Variants in NPAS3 observed in about 807,000 individuals in gnomAD.
The protein encoded by NPAS3 is neuronal PAS domain protein 3, also known as neuronal PAS domain-containing protein 3.
A neutral mutation model predicts 73.1 loss-of-function variants in NPAS3; 14 were observed. That is an observed-to-expected ratio of 0.19 (90% CI 0.13 to 0.30). The LOEUF is 0.30. NPAS3 is among the 10% of genes least tolerant of loss of function. NPAS3 has a pLI of 1.00. For missense variants in NPAS3, 1,096 were observed against 1,250.0 expected, an observed-to-expected ratio of 0.88 and a Z score of 1.86; for synonymous variants, 620 against 541.5, an observed-to-expected ratio of 1.14 and a Z score of -2.01.
At chr14:33,263,959 G>T (rs961685012) in intron 3 of NPAS3, among the ~76,000 whole-genome samples, 4 of 152,090 alleles carry the variant, frequency 2.6e-5, no homozygotes, top group African/African-American at 9.7e-5. Context: ...GCTGCTATAA[G>T]GACACATGCA....
At chr14:33,024,999 G>A (rs1395057817) in intron 1 of NPAS3, among the ~76,000 whole-genome samples, 2 of 152,142 alleles carry the variant, frequency 1.3e-5, no homozygotes, top group African/African-American at 2.4e-5. Flanking sequence ...TAACATATTT[G>A]TGCATATCTA....
chr14:33,749,958 G>A (rs1450537796), intron 7 of NPAS3, among the ~76,000 whole-genome samples: 1 of 152,056 alleles, frequency 6.6e-6, no homozygotes, highest in East Asian at 1.9e-4. Flanking sequence ...AAACACTTTG[G>A]CCCCCAAAGA....
At chr14:33,268,337 G>A (rs150979287) in intron 3 of NPAS3, among the ~76,000 whole-genome samples, 264 of 152,070 alleles carry the variant, frequency 1.7e-3, no homozygotes, top group Middle Eastern at 0.01. Flanking sequence ...ATAAATTTAC[G>A]AGATGCTATC....
chr14:33,168,566 A>G (rs969629846), intron 2 of NPAS3, among the ~76,000 whole-genome samples: 3 of 152,188 alleles, frequency 2.0e-5, no homozygotes, highest in Non-Finnish European at 4.4e-5. Flanking sequence ...CTTGTGTGAT[A>G]GCTCTCAAAG....
At chr14:33,624,106 T>C (rs1343090987) in intron 5 of NPAS3, among the ~76,000 whole-genome samples, 2 of 152,228 alleles carry the variant, frequency 1.3e-5, no homozygotes, top group Non-Finnish European at 2.9e-5. Context: ...TTTCTGACTT[T>C]ATTTTTTTCC....
chr14:33,095,309 T>C (rs1326134611), intron 2 of NPAS3, among the ~76,000 whole-genome samples: 1 of 152,204 alleles, frequency 6.6e-6, no homozygotes, highest in Non-Finnish European at 1.5e-5. Context: ...GCAGGCAGCA[T>C]GTACTTGTTA....
chr14:33,387,436 A>G lies in NPAS3; in HGVS notation c.468+20168A>G, dbSNP rs549674892. Among the ~76,000 whole-genome samples the G allele has an allele frequency of 5.7e-4, 86 of 152,204 alleles. 1 individual carries two copies. The highest frequency in any genetic ancestry group is 9.4e-4 in the Non-Finnish European group (64 of 68,034). On this transcript the variant is annotated intron_variant, in intron 4 of 11. Coordinates refer to ENST00000356141, the Ensembl canonical transcript of NPAS3. ...ATGCTGCTGTTCAGCCACAGTATTC[A>G]GTTACCCATTTTTTTGGCCTAAATA...
At chr14:33,234,856 C>A (rs978861826) in intron 3 of NPAS3, among the ~76,000 whole-genome samples, 1 of 152,078 alleles carries the variant, frequency 6.6e-6, no homozygotes, top group Admixed American at 6.6e-5. Flanking sequence ...CGTGTTGCAA[C>A]TCATCATCTG....
rs1222459920 is a variant in NPAS3 at position 33,572,950 on chromosome 14, G to A, written c.558+12740G>A. Among the ~76,000 whole-genome samples the A allele has an allele frequency of 2.7e-5, 4 of 148,228 alleles. No homozygotes were observed. In the East Asian group the frequency reaches 8.0e-4, roughly 30 times the overall value. ...AGGCAGGAGAATCGCTTAACCCCGG[G>A]AAGCGGAGGTTGCAGTGAGCCGAGA... On this transcript the variant is annotated intron_variant, in intron 5 of 11. Coordinates refer to ENST00000356141, the Ensembl canonical transcript of NPAS3.
At chr14:33,351,331 G>A (rs2045040838) in intron 3 of NPAS3, among the ~76,000 whole-genome samples, 2 of 152,132 alleles carry the variant, frequency 1.3e-5, no homozygotes, top group African/African-American at 4.8e-5. Context: ...TGAGGACTGG[G>A]GAACAGAGGG....
chr14:33,235,959 T>G (rs2048020479), intron 3 of NPAS3, among the ~76,000 whole-genome samples: 1 of 151,860 alleles, frequency 6.6e-6, no homozygotes, highest in African/African-American at 2.4e-5. Context: ...TGACTAATTA[T>G]TTTTTAATTT....
At position 32,992,518 on chromosome 14, in the gene NPAS3, T is replaced by C. The variant is rs148863742; in HGVS notation, c.50+53152T>C. 2.3e-3 allele frequency among the ~76,000 whole-genome samples: 346 copies of C among 152,208 alleles called. 2 individuals carry two copies. Among genetic ancestry groups the C allele is most frequent in the Non-Finnish European group, 4.1e-3 (281 of 67,992 alleles). Reference sequence around the variant, plus strand: ...GCTGATTCTCTGCTTGTCCCTGGCCTAGAAACCACACTTGTCCTAGAGCCT... The same window carrying C: ...GCTGATTCTCTGCTTGTCCCTGGCCCAGAAACCACACTTGTCCTAGAGCCT... On this transcript the variant is annotated intron_variant, in intron 1 of 11. Coordinates refer to ENST00000356141, the Ensembl canonical transcript of NPAS3.
At chr14:33,492,304 A>T (rs546460190) in intron 4 of NPAS3, among the ~76,000 whole-genome samples, 1 of 152,278 alleles carries the variant, frequency 6.6e-6, no homozygotes, top group East Asian at 1.9e-4. Context: ...TCTGTAAAAA[A>T]AAGAATATTT....
At chr14:33,014,038 A>G (rs533698891) in intron 1 of NPAS3, among the ~76,000 whole-genome samples, 25 of 152,306 alleles carry the variant, frequency 1.6e-4, no homozygotes, top group African/African-American at 4.8e-4. Flanking sequence ...AATTTAGTCT[A>G]AAACATCTTC....
chr14:33,675,333 C>G (rs572330996), intron 5 of NPAS3, among the ~76,000 whole-genome samples: 7 of 152,128 alleles, frequency 4.6e-5, no homozygotes, highest in Non-Finnish European at 8.8e-5. Context: ...CCCCTTCAGA[C>G]GGCGCACAAC....
intron 7 of NPAS3, among the ~76,000 whole-genome samples, chr14:33,756,295 G>A (rs993742649): frequency 2.6e-5 from 4 of 152,132 alleles, no homozygotes; most frequent in African/African-American, 9.7e-5. Flanking sequence ...TGAATGCCCT[G>A]GACAATTTCT....
At chr14:33,479,658 G>C (rs1425495780) in intron 4 of NPAS3, among the ~76,000 whole-genome samples, 1 of 152,092 alleles carries the variant, frequency 6.6e-6, no homozygotes. Context: ...GACACTCTGT[G>C]GGCACTTTTC....
chr14:33,408,427 A>G (rs974939521), intron 4 of NPAS3, among the ~76,000 whole-genome samples: 1 of 152,028 alleles, frequency 6.6e-6, no homozygotes, highest in African/African-American at 2.4e-5. Context: ...GGAAAAGGGG[A>G]AAATAACTCT....
At chr14:33,180,643 C>T (rs1343845665) in intron 2 of NPAS3, among the ~76,000 whole-genome samples, 1 of 151,356 alleles carries the variant, frequency 6.6e-6, no homozygotes, top group African/African-American at 2.4e-5. Flanking sequence ...ATTAAAAATA[C>T]AAAAAATTAG....
Sources: gnomAD v4.1 joint callset for allele counts (sites outside exome capture counted in the v4.1 genomes callset) on GRCh38, gnomAD v4.1.1 for gene constraint, MANE v1.5 for transcripts, NCBI Gene and HGNC (gene_info 2026-07-23, HGNC 2026-07-21) for gene names.